The following PTPRF variants were observed in gnomAD, a reference collection of about 807,000 sequenced individuals.
PTPRF encodes the protein receptor-type tyrosine-protein phosphatase F.
A neutral mutation model predicts 201.8 loss-of-function variants in PTPRF; 59 were observed. That is an observed-to-expected ratio of 0.29 (90% CI 0.24 to 0.36). The LOEUF is 0.36. Among genes scored for constraint, PTPRF ranks in the 10% least tolerant of loss-of-function variants. PTPRF has a pLI of 1.00. For synonymous variants in PTPRF, 1,088 were observed against 1,089.7 expected, an observed-to-expected ratio of 1.00 and a Z score of 0.03; for missense variants, 2,132 against 2,690.5, an observed-to-expected ratio of 0.79 and a Z score of 4.59.
chr1:43,565,901 TCGCC>T (rs1183893629), intron 5 of PTPRF, among the ~76,000 whole-genome samples: 1 of 152,164 alleles, frequency 6.6e-6, no homozygotes, highest in Non-Finnish European at 1.5e-5. Context: ...CGCTCCACCG[TCGCC>T]ATGGCTACCG....
At chr1:43,545,547 C>T (rs548143995) in intron 3 of PTPRF, among the ~76,000 whole-genome samples, 5 of 152,166 alleles carry the variant, frequency 3.3e-5, no homozygotes, top group South Asian at 4.2e-4. Context: ...GGGGGTGGCA[C>T]GCAGGGCATG....
rs182073030 is a variant in PTPRF at position 43,557,158 on chromosome 1, G to C, written c.379+3217G>C. ...CAGAGGGCTTCTTTTCAGGCTCTCA[G>C]ATTGGGGAACAGGGCCTCCTTGTTA... On this transcript the variant is annotated intron_variant, in intron 5 of 33. Transcript: ENST00000359947. 9.5e-3 allele frequency among the ~76,000 whole-genome samples: 1,452 copies of C among 152,362 alleles called. 80 individuals are homozygous for C. Among genetic ancestry groups the C allele is most frequent in the Admixed American group, 0.088 (1,342 of 15,312 alleles).
At position 43,553,346 on chromosome 1, in the gene PTPRF, C is replaced by A; in HGVS notation, c.92-146C>A. ...AAATGTTAAACTCTCTGAACAGTGC[C>A]TGGCACATACTAAGCGCTACATAAA... is the stretch of plus-strand genomic sequence containing the variant. On this transcript the variant is annotated intron_variant, in intron 3 of 33. Transcript: ENST00000359947. This position sits in a 1 kb window ranked among gnomAD's most constrained non-coding sequence, Gnocchi z 4.1. 1 of 887,484 alleles carries A rather than the reference C, an allele frequency of 1.1e-6. No homozygotes were observed. The highest frequency in any genetic ancestry group is 1.8e-6 in the Non-Finnish European group (1 of 565,490). 55.0% of individuals were successfully genotyped at this position (887,484 alleles called of 1,614,324 possible). A position where few individuals can be genotyped will look rare whatever the true frequency, so the allele number is the denominator to read the frequency against.
chr1:43,562,195 G>A (rs138145750), intron 5 of PTPRF, among the ~76,000 whole-genome samples: 126 of 151,994 alleles, frequency 8.3e-4, no homozygotes, highest in African/African-American at 2.8e-3. Flanking sequence ...TGCAACTTCC[G>A]CCTCCCGGGT....
At position 43,620,491 on chromosome 1, in the gene PTPRF, C is replaced by T. The variant is rs771751666; in HGVS notation, c.5276C>T (p.Ala1759Val). The T allele has an allele frequency of 6.2e-7, 1 of 1,613,454 alleles. No homozygotes were observed. Among genetic ancestry groups the T allele is most frequent in the Non-Finnish European group, 8.5e-7 (1 of 1,179,340 alleles). The change falls in exon 31 of 34, where the codon GCT (alanine) becomes GTT (valine). Residue 1759 changes from alanine to valine, a missense_variant. Around this residue, in one of 6 missense-constraint regions of PTPRF, gnomAD observed 519 missense variants for 659.5 expected, o/e 0.79. Transcript: ENST00000359947. ...CHQYWPAERS[A>V]RYQYFVVDPM... ...CAGTACTGGCCAGCAGAGCGCTCTG[C>T]TCGCTACCAGTACTTTGTTGTTGAC...
intron 7 of PTPRF, among the ~76,000 whole-genome samples, chr1:43,580,411 A>G (rs1167878825): frequency 6.6e-6 from 1 of 152,194 alleles, no homozygotes; most frequent in Non-Finnish European, 1.5e-5. Context: ...CAGAGGAACT[A>G]TTTGTGGTGG....
intron 14 of PTPRF, among the ~76,000 whole-genome samples, chr1:43,602,362 A>G (rs918676203): frequency 6.6e-5 from 10 of 152,262 alleles, no homozygotes; most frequent in African/African-American, 2.4e-4. Flanking sequence ...CCGGCCAGAC[A>G]GGGATGGAGT....
At chr1:43,564,727 T>C (rs1646041462) in intron 5 of PTPRF, among the ~76,000 whole-genome samples, 1 of 152,116 alleles carries the variant, frequency 6.6e-6, no homozygotes, top group Admixed American at 6.5e-5. Context: ...CCAGGGGGCC[T>C]GTGTCTGTGT....
intron 3 of PTPRF, among the ~76,000 whole-genome samples, chr1:43,549,385 T>C (rs1644879092): frequency 6.6e-6 from 1 of 152,056 alleles, no homozygotes; most frequent in Admixed American, 6.6e-5. Flanking sequence ...CAGAGCAGGC[T>C]CCTACAGCAG....
At chr1:43,607,826 C>T (rs1655500895) in intron 21 of PTPRF, among the ~76,000 whole-genome samples, 1 of 152,242 alleles carries the variant, frequency 6.6e-6, no homozygotes. Context: ...TGCTCTGGTG[C>T]CTGCAAGGCC....
At chr1:43,571,951 C>T (rs1179522004) in intron 6 of PTPRF, among the ~76,000 whole-genome samples, 1 of 152,260 alleles carries the variant, frequency 6.6e-6, no homozygotes, top group Non-Finnish European at 1.5e-5. Context: ...CAATGGCAGT[C>T]AAACCTTGAG....
Position 43,618,614 on chromosome 1 carries a change from G to C in PTPRF, c.4372-16G>C. The C allele has an allele frequency of 6.3e-7, 1 of 1,589,560 alleles. No individual in the cohort carries two copies. Among genetic ancestry groups the C allele is most frequent in the Non-Finnish European group, 8.6e-7 (1 of 1,160,004 alleles). On this transcript the variant is annotated splice_polypyrimidine_tract_variant and intron_variant, in intron 25 of 33. Coordinates refer to ENST00000359947, the MANE Select transcript of PTPRF (RefSeq NM_002840.5). ...CTGTGGGCTTCCTTCAGCCTGCCCT[G>C]CTCATCCTCCTGCAGGTAAAATGTG... is the stretch of plus-strand genomic sequence containing the variant.
rs995720846 is a variant in PTPRF at position 43,578,844 on chromosome 1, C to T, written c.603C>T (p.Asp201=). The T allele has an allele frequency of 4.3e-6, 7 of 1,614,182 alleles. No individual in the cohort carries two copies. Among genetic ancestry groups the T allele is most frequent in the East Asian group, 2.2e-5 (1 of 44,886 alleles). The change falls in exon 7 of 34, where the codon GAC becomes GAT. Residue 201 remains aspartate, a synonymous_variant. Transcript: ENST00000359947. ...AGATAGAGAGCAGTGAGGAATCCGA[C>T]CAAGGCAAGTACGAGTGTGTGGCGA... ...ALQIESSEES[D]QGKYECVATN...
chr1:43,536,009 T>TC (rs1643980457), intron 1 of PTPRF, among the ~76,000 whole-genome samples: 1 of 152,166 alleles, frequency 6.6e-6, no homozygotes, highest in African/African-American at 2.4e-5. Flanking sequence ...GCTCAAGTGA[T>TC]CCACCTGCCT....
rs1643397648 is a variant in PTPRF at position 43,530,942 on chromosome 1, G to GGGCTCGGGCTCCGGCTCC, written c.-269_-268insGGGCTCCGGCTCCGGCTC. On this transcript the variant is annotated 5_prime_UTR_variant, in exon 1 of 34. Coordinates refer to ENST00000359947, the MANE Select transcript of PTPRF (RefSeq NM_002840.5). This position sits in a 1 kb window ranked among gnomAD's most constrained non-coding sequence, Gnocchi z 4.1. The stretch of plus-strand genomic sequence containing the variant: ...CCAGCTTCGGCTCCGGCTCGGGCTC[G>GGGCTCGGGCTCCGGCTCC]GGCTCCGGCTCCGGCTCCGGCTCCG... The GGGCTCGGGCTCCGGCTCC allele has an allele frequency of 4.5e-5, 7 of 156,104 alleles. No homozygotes were observed. The highest frequency in any genetic ancestry group is 1.7e-4 in the African/African-American group (7 of 41,020). The allele number at this position is 156,104 out of a possible 1,614,324, so 9.7% of individuals were successfully genotyped here. A position where few individuals can be genotyped will look rare whatever the true frequency, so the allele number is the denominator to read the frequency against.
At chr1:43,562,704 T>C (rs1282491358) in intron 5 of PTPRF, among the ~76,000 whole-genome samples, 1 of 152,000 alleles carries the variant, frequency 6.6e-6, no homozygotes, top group Non-Finnish European at 1.5e-5. Flanking sequence ...GAGCCACTGC[T>C]CCTGGCCAAA....
chr1:43,607,841 C>T (rs1026271126), intron 21 of PTPRF, among the ~76,000 whole-genome samples: 1 of 152,250 alleles, frequency 6.6e-6, no homozygotes, highest in Non-Finnish European at 1.5e-5. Flanking sequence ...AAGGCCTTGC[C>T]TGGCCCCTAC....
chr1:43,595,506 C>T (rs1474715267), intron 11 of PTPRF, among the ~76,000 whole-genome samples: 1 of 151,066 alleles, frequency 6.6e-6, no homozygotes. Context: ...AGGCGTGAGC[C>T]ACCGCGCCCG....
In PTPRF at chr1:43,575,985, A is replaced by G. The variant is rs1286963346; in HGVS notation, c.569-2825A>G. The G allele has an allele frequency of 2.2e-6, 3 of 1,348,874 alleles. No individual in the cohort carries two copies. In the African/African-American group the frequency reaches 4.5e-5, roughly 20 times the overall value. The allele number at this position is 1,348,874 out of a possible 1,614,324, so 83.6% of individuals were successfully genotyped here. A position where few individuals can be genotyped will look rare whatever the true frequency, so the allele number is the denominator to read the frequency against. On this transcript the variant is annotated intron_variant, in intron 6 of 33. Coordinates refer to ENST00000359947, the MANE Select transcript of PTPRF (RefSeq NM_002840.5). ...ACGCCTTGCCACTGCCGTCACCTCC[A>G]CTCCATCCCGTCCAGTCTGTCACCT... is the stretch of plus-strand genomic sequence containing the variant.
Sources: gnomAD v4.1 joint callset for allele counts (sites outside exome capture counted in the v4.1 genomes callset) on GRCh38, gnomAD v4.1.1 for gene constraint, gnomAD v4.1.1 regional missense constraint, Gnocchi (gnomAD v3.1) non-coding constraint, MANE v1.5 for transcripts, NCBI Gene and HGNC (gene_info 2026-07-23, HGNC 2026-07-21) for gene names.